PCDHA1: variants seen among roughly 807,000 people sequenced by gnomAD.
PCDHA1 encodes protocadherin alpha 1.
PCDHA1 carries 42 observed loss-of-function variants against 61.3 expected under a neutral mutation model. That is an observed-to-expected ratio of 0.69 (90% CI 0.54 to 0.89). The LOEUF is 0.89. Ranked by LOEUF, PCDHA1 falls within the 40% of genes least tolerant of loss-of-function variation. PCDHA1 has a pLI of 0.00. For synonymous variants in PCDHA1, 610 were observed against 553.8 expected (o/e 1.10, Z -1.43); for missense variants, 1,256 against 1,235.3 (o/e 1.02, Z -0.25).
At chr5:140,868,805 C>T (rs1316864299) in intron 1 of PCDHA1, 7 of 356,302 alleles carry the variant, frequency 2.0e-5, no homozygotes, top group African/African-American at 1.4e-4. Context: ...TAAATAAGCA[C>T]GTTGGAAATA....
chr5:140,850,254 G>C, intron 1 of PCDHA1: 1 of 1,593,786 alleles, frequency 6.3e-7, no homozygotes, highest in Non-Finnish European at 8.6e-7. Flanking sequence ...GTCGGTGGGC[G>C]CCGGCGTAGT....
At position 140,870,724 on chromosome 5, in the gene PCDHA1, G is replaced by T. The variant is rs140203389; in HGVS notation, c.2394+82040G>T. 8.1e-4 allele frequency: 1,312 copies of T among 1,613,160 alleles called. 10 individuals carry two copies. In the African/African-American group the frequency reaches 0.014, roughly 18 times the overall value. On this transcript the variant is annotated intron_variant, in intron 1 of 3. Coordinates refer to ENST00000504120, the MANE Select transcript of PCDHA1 (RefSeq NM_018900.4). ...CCAGGTGAGCGCGCGCGATGCGGGC[G>T]TGCCGCCTCTGAGCAGCAACGTGAC...
chr5:140,862,633 G>C, intron 1 of PCDHA1: 5 of 537,306 alleles, frequency 9.3e-6, no homozygotes, highest in Non-Finnish European at 1.9e-5. Context: ...GGGCTGCCAC[G>C]ACTTCACAGT....
chr5:140,801,002 C>T, intron 1 of PCDHA1: 2 of 1,406,070 alleles, frequency 1.4e-6, no homozygotes, highest in Non-Finnish European at 1.8e-6. Flanking sequence ...CGTTTAGCCA[C>T]ATGATGTCGC....
chr5:140,883,533 A>T, intron 1 of PCDHA1: 2 of 1,614,190 alleles, frequency 1.2e-6, no homozygotes, highest in South Asian at 2.2e-5. Flanking sequence ...TCAGCCTATG[A>T]ACTGGTGGTG....
intron 1 of PCDHA1, among the ~76,000 whole-genome samples, chr5:140,819,733 T>C (rs1554127740): frequency 6.6e-6 from 1 of 152,076 alleles, no homozygotes; most frequent in East Asian, 1.9e-4. Context: ...GATATGAAAG[T>C]GAATCAAAAG....
intron 1 of PCDHA1, among the ~76,000 whole-genome samples, chr5:140,820,123 T>C (rs2150105904): frequency 6.6e-6 from 1 of 152,128 alleles, no homozygotes; most frequent in East Asian, 1.9e-4. Context: ...TTTTAACCAT[T>C]GTGTATTAAA....
chr5:140,910,608 C>A (rs1161072744), intron 1 of PCDHA1, among the ~76,000 whole-genome samples: 3 of 152,208 alleles, frequency 2.0e-5, no homozygotes, highest in Non-Finnish European at 2.9e-5. Context: ...TCTAAACTGA[C>A]TAATCCACTC....
intron 1 of PCDHA1, chr5:140,807,093 A>C: frequency 7.3e-7 from 1 of 1,371,290 alleles, no homozygotes; most frequent in African/African-American, 1.4e-5. Context: ...AGTCTGAAAT[A>C]TGGAGGATGC....
chr5:140,823,254 G>A (rs61730630), intron 1 of PCDHA1: 1 of 1,613,288 alleles, frequency 6.2e-7, no homozygotes, highest in Non-Finnish European at 8.5e-7. Flanking sequence ...CCTACTCGCT[G>A]GTGGAGCGGC....
intron 1 of PCDHA1, chr5:140,928,544 A>G (rs1554205985): frequency 3.1e-6 from 5 of 1,614,062 alleles, no homozygotes; most frequent in Middle Eastern, 1.6e-4. Flanking sequence ...AGGAATGACA[A>G]TTATCCGGTT....
At chr5:140,829,148 A>G (rs1306050057) in intron 1 of PCDHA1, 3 of 1,613,684 alleles carry the variant, frequency 1.9e-6, no homozygotes, top group Non-Finnish European at 2.5e-6. Context: ...GATAGCACTG[A>G]CTTCCTTATC....
At chr5:140,921,920 TTA>T (rs1253318185) in intron 1 of PCDHA1, among the ~76,000 whole-genome samples, 1 of 151,888 alleles carries the variant, frequency 6.6e-6, no homozygotes, top group African/African-American at 2.4e-5. Flanking sequence ...ATGATAAAAC[TTA>T]TAGTCAATAT....
At chr5:140,801,033 T>A (rs1581639321) in intron 1 of PCDHA1, 2 of 1,428,590 alleles carry the variant, frequency 1.4e-6, no homozygotes, top group East Asian at 5.0e-5. Flanking sequence ...AAGGTCTTTC[T>A]CCACAAAAGA....
intron 1 of PCDHA1, chr5:140,806,947 T>G: frequency 1.7e-6 from 1 of 585,412 alleles, no homozygotes; most frequent in Non-Finnish European, 3.0e-6. Context: ...CAGTAGAGTG[T>G]GTGGGGGTTT....
intron 1 of PCDHA1, chr5:140,821,739 G>T (rs2150110310): frequency 6.5e-7 from 1 of 1,546,468 alleles, no homozygotes; most frequent in Non-Finnish European, 8.7e-7. Context: ...ATTGTGTGGT[G>T]ATGCAATAGA....
At chr5:140,805,994 A>G (rs1172638535) in intron 1 of PCDHA1, among the ~76,000 whole-genome samples, 1 of 152,196 alleles carries the variant, frequency 6.6e-6, no homozygotes, top group Non-Finnish European at 1.5e-5. Flanking sequence ...TATTCCAAAA[A>G]AGGACACACA....
At chr5:140,874,397 T>A (rs1447759550) in intron 1 of PCDHA1, among the ~76,000 whole-genome samples, 3 of 152,230 alleles carry the variant, frequency 2.0e-5, no homozygotes, top group African/African-American at 7.2e-5. Flanking sequence ...CCCCCTTGCA[T>A]AACAGTCACC....
At chr5:140,807,260 G>A (rs782426458) in intron 1 of PCDHA1, 2 of 1,614,130 alleles carry the variant, frequency 1.2e-6, no homozygotes. Context: ...CGCAGCCTGG[G>A]AGGCAGGGAA....
Sources: allele counts gnomAD v4.1 joint callset (sites outside exome capture counted in the v4.1 genomes callset), GRCh38; gene constraint gnomAD v4.1.1; transcripts MANE v1.5; gene names NCBI Gene and HGNC (gene_info 2026-07-23, HGNC 2026-07-21).